The following TAF1B variants were observed in gnomAD, a reference collection of about 807,000 sequenced individuals.
The protein encoded by TAF1B is TATA-box binding protein associated factor, RNA polymerase I subunit B.
Under a neutral mutation model 83.9 loss-of-function variants are expected in TAF1B, and 61 were observed. The observed-to-expected ratio is 0.73, with a 90% CI of 0.59 to 0.90. The LOEUF (loss-of-function observed/expected upper bound fraction) is 0.90, where lower values mean the gene tolerates loss of function less well. Ranked by LOEUF, TAF1B falls within the 40% of genes least tolerant of loss-of-function variation. The probability of loss-of-function intolerance (pLI) is 0.00; values close to 1 mark genes in which losing one functional copy is unlikely to be tolerated. For synonymous variants in TAF1B, 221 were observed against 224.6 expected (o/e 0.98, Z 0.14); for missense variants, 625 against 677.0 (o/e 0.92, Z 0.85).
At chr2:9,861,264 C>G (rs918861945) in intron 5 of TAF1B, among the ~76,000 whole-genome samples, 2 of 152,256 alleles carry the variant, frequency 1.3e-5, no homozygotes, top group South Asian at 2.1e-4. Flanking sequence ...CTGCGCTTTT[C>G]GAACGGGCTT....
chr2:9,933,183 C>G (rs1268301516), intron 14 of TAF1B, among the ~76,000 whole-genome samples: 16 of 152,214 alleles, frequency 1.1e-4, no homozygotes, highest in Non-Finnish European at 1.8e-4. Flanking sequence ...GCAGCCAGTC[C>G]CAGTGAGATG....
intron 14 of TAF1B, among the ~76,000 whole-genome samples, chr2:9,925,410 A>C (rs55664551): frequency 0.51 from 77,255 of 151,554 alleles, 22,734 homozygotes; most frequent in Non-Finnish European, 0.68. Flanking sequence ...ACTGCACTCC[A>C]GCCTGGGTGA....
chr2:9,863,803 C>A (rs1183350318), intron 5 of TAF1B, among the ~76,000 whole-genome samples: 2 of 152,224 alleles, frequency 1.3e-5, no homozygotes, highest in African/African-American at 2.4e-5. Flanking sequence ...TCACTCAAAA[C>A]TGCTCAACTA....
chr2:9,868,223 T>G, intron 5 of TAF1B, 53 bp from the exon 6 acceptor site: 1 of 1,588,140 alleles, frequency 6.3e-7, no homozygotes, highest in South Asian at 1.1e-5. Context: ...TCACAGAAAT[T>G]AACTGTTTAA....
intron 5 of TAF1B, among the ~76,000 whole-genome samples, chr2:9,862,671 A>G (rs1246217958): frequency 6.6e-6 from 1 of 152,222 alleles, no homozygotes; most frequent in Non-Finnish European, 1.5e-5. Flanking sequence ...AATGAAGGAA[A>G]ACATGTTAAG....
rs1019365227 is a variant in TAF1B at position 9,914,666 on chromosome 2, T to C, written c.1271+1417T>C. On this transcript the variant is annotated intron_variant, in intron 12 of 14. Coordinates refer to ENST00000263663, the MANE Select transcript of TAF1B (RefSeq NM_005680.3). This position sits in a 1 kb window ranked among gnomAD's most constrained non-coding sequence, Gnocchi z 4.3. ...GGCTTTTAGCTACTTTAGGGAATAA[T>C]TTATTGGCCAAAGAAAGTAAGTCTG... is the stretch of plus-strand genomic sequence containing the variant. Among the ~76,000 whole-genome samples, 3 of 152,186 alleles carry C rather than the reference T, an allele frequency of 2.0e-5. No individual in the cohort carries two copies. The highest frequency in any genetic ancestry group is 7.2e-5 in the African/African-American group (3 of 41,450).
chr2:9,921,071 G>A (rs779143662), intron 14 of TAF1B, among the ~76,000 whole-genome samples: 14 of 151,914 alleles, frequency 9.2e-5, no homozygotes, highest in East Asian at 3.8e-4. Flanking sequence ...CCCTATAAAC[G>A]GTCGATATTG....
intron 14 of TAF1B, among the ~76,000 whole-genome samples, chr2:9,931,852 A>G (rs961606739): frequency 1.3e-5 from 2 of 152,138 alleles, no homozygotes; most frequent in Non-Finnish European, 2.9e-5. Context: ...TATTTCTTGG[A>G]GGCTTTGTTT....
intron 8 of TAF1B, 86 bp from the exon 9 acceptor site, chr2:9,904,773 T>A (rs1164441694): frequency 3.0e-6 from 4 of 1,325,850 alleles, no homozygotes; most frequent in Non-Finnish European, 1.0e-6. Context: ...TACTTTTTAA[T>A]AATAGCCATT....
intron 9 of TAF1B, 114 bp downstream of exon 9, chr2:9,905,120 T>C: frequency 1.2e-6 from 1 of 824,116 alleles, no homozygotes; most frequent in Admixed American, 2.7e-5. Context: ...GGTCCATGGT[T>C]ACATGAAACT....
chr2:9,909,637 A>G (rs1665462375), intron 9 of TAF1B, among the ~76,000 whole-genome samples: 1 of 152,190 alleles, frequency 6.6e-6, no homozygotes, highest in Non-Finnish European at 1.5e-5. Context: ...GAGCAGTTAT[A>G]AGGGTGGCCT....
intron 5 of TAF1B, among the ~76,000 whole-genome samples, chr2:9,866,595 C>G (rs1231185740): frequency 6.6e-6 from 1 of 152,228 alleles, no homozygotes; most frequent in East Asian, 1.9e-4. Flanking sequence ...GGTATATACC[C>G]AAAGGATTAT....
intron 6 of TAF1B, among the ~76,000 whole-genome samples, chr2:9,875,116 T>C (rs62127138): frequency 0.24 from 36,832 of 151,878 alleles, 5,018 homozygotes; most frequent in East Asian, 0.3. Flanking sequence ...CGTCCACCAC[T>C]ACACCCGGCT....
chr2:9,862,863 G>A (rs1195078642), intron 5 of TAF1B, among the ~76,000 whole-genome samples: 1 of 152,106 alleles, frequency 6.6e-6, no homozygotes, highest in African/African-American at 2.4e-5. Context: ...AAGTGAAGGA[G>A]AAATAAAATA....
chr2:9,889,634 T>A (rs1664803333), intron 8 of TAF1B, among the ~76,000 whole-genome samples: 1 of 151,706 alleles, frequency 6.6e-6, no homozygotes, highest in Non-Finnish European at 1.5e-5. Flanking sequence ...TGACTGGTAA[T>A]TTTTTTTTAT....
At chr2:9,868,498 TC>T in intron 6 of TAF1B, 69 bp downstream of exon 6, 2 of 1,557,266 alleles carry the variant, frequency 1.3e-6, no homozygotes, top group Non-Finnish European at 1.7e-6. Flanking sequence ...TTTAGTCTAA[TC>T]TTCTGATAAT....
intron 14 of TAF1B, among the ~76,000 whole-genome samples, chr2:9,931,940 C>A (rs988611758): frequency 4.6e-5 from 7 of 152,178 alleles, no homozygotes; most frequent in Non-Finnish European, 8.8e-5. Context: ...GATACCCTTT[C>A]TTCCACTTGA....
At chr2:9,851,500 A>T (rs775217711) in intron 3 of TAF1B, 41 bp from the exon 4 acceptor site, 1 of 1,463,262 alleles carries the variant, frequency 6.8e-7, no homozygotes, top group Non-Finnish European at 9.3e-7. Context: ...AAGTTAGTAA[A>T]TTAGGAATGT....
chr2:9,910,979 C>A, intron 10 of TAF1B, 66 bp downstream of exon 10: 2 of 1,429,868 alleles, frequency 1.4e-6, no homozygotes, highest in Non-Finnish European at 1.9e-6. Context: ...TTTAAGAAAG[C>A]TTTAAATGTC....
Sources: allele counts gnomAD v4.1 joint callset (sites outside exome capture counted in the v4.1 genomes callset), GRCh38; gene constraint gnomAD v4.1.1; non-coding constraint Gnocchi (gnomAD v3.1); transcripts MANE v1.5; gene names NCBI Gene and HGNC (gene_info 2026-07-23, HGNC 2026-07-21).